The following WWOX variants were observed in gnomAD, a reference collection of about 807,000 sequenced individuals.
WWOX encodes WW domain-containing oxidoreductase.
In WWOX, 69 loss-of-function variants were observed where a neutral mutation model predicts 46.2. The observed-to-expected ratio is 1.49, with a 90% CI of 1.23 to 1.82. The LOEUF is 1.82. Ranked by LOEUF, WWOX falls within the 40% of genes most tolerant of loss-of-function variation. The probability of loss-of-function intolerance (pLI) is 0.00; values close to 1 mark genes in which losing one functional copy is unlikely to be tolerated. For missense variants in WWOX, 919 were observed against 542.6 expected (o/e 1.69, Z -6.89); for synonymous variants, 359 against 202.6 (o/e 1.77, Z -6.56).
At chr16:78,166,776 C>G (rs2034989509) in intron 5 of WWOX, 1 of 144,700 alleles carries the variant, frequency 6.9e-6, no homozygotes, top group Non-Finnish European at 1.5e-5. Context: ...CCGGGATAGT[C>G]TCGACCTCCT....
intron 5 of WWOX, among the ~76,000 whole-genome samples, chr16:78,330,768 T>C (rs1597492217): frequency 6.6e-6 from 1 of 152,240 alleles, no homozygotes; most frequent in East Asian, 1.9e-4. Context: ...AATATTCATC[T>C]CACTTCTTTC....
intron 8 of WWOX, among the ~76,000 whole-genome samples, chr16:79,184,139 A>T (rs1337378064): frequency 6.6e-6 from 1 of 152,182 alleles, no homozygotes; most frequent in Admixed American, 6.5e-5. Context: ...TTCTGAATGG[A>T]TTGTAAATTA....
chr16:78,765,449 C>T (rs1314579772), intron 8 of WWOX, among the ~76,000 whole-genome samples: 9 of 152,184 alleles, frequency 5.9e-5, no homozygotes, highest in South Asian at 4.2e-4. Context: ...GAGGCTGAGG[C>T]GGGTGGACCA....
chr16:78,938,470 T>C (rs980157341), intron 8 of WWOX, among the ~76,000 whole-genome samples: 2 of 151,938 alleles, frequency 1.3e-5, no homozygotes, highest in African/African-American at 4.8e-5. Context: ...GGGCTCTGTT[T>C]CATGAGTTTT....
chr16:78,927,992 G>T (rs1260854824), intron 8 of WWOX, among the ~76,000 whole-genome samples: 2 of 152,106 alleles, frequency 1.3e-5, no homozygotes, highest in African/African-American at 2.4e-5. Flanking sequence ...GTGTGTGTAT[G>T]TGTGTGTGCG....
Position 78,958,104 on chromosome 16 carries a change from G to A in WWOX, c.1057-253504G>A, listed in dbSNP as rs1038726134. 3.9e-5 allele frequency among the ~76,000 whole-genome samples: 6 copies of A among 152,122 alleles called. No individual in the cohort carries two copies. In the South Asian group the frequency reaches 8.3e-4, roughly 21 times the overall value. ...TGGAATCTGAGCCTTCATATTCTCC[G>A]ATATATTATTTGGTCCTATTGTTCC... On this transcript the variant is annotated intron_variant, in intron 8 of 8. Coordinates refer to ENST00000566780, the MANE Select transcript of WWOX (RefSeq NM_016373.4).
At chr16:78,874,599 C>T (rs2044196519) in intron 8 of WWOX, among the ~76,000 whole-genome samples, 1 of 150,266 alleles carries the variant, frequency 6.7e-6, no homozygotes, top group South Asian at 2.1e-4. Context: ...ATTCTGATGG[C>T]AAGTGACTTA....
chr16:78,468,052 T>C (rs1297325117), intron 8 of WWOX, among the ~76,000 whole-genome samples: 6 of 152,174 alleles, frequency 3.9e-5, no homozygotes, highest in African/African-American at 1.4e-4. Context: ...TCTCTGCTCT[T>C]TTCCAAGCCA....
chr16:78,545,625 A>T (rs938628041), intron 8 of WWOX, among the ~76,000 whole-genome samples: 26 of 152,330 alleles, frequency 1.7e-4, no homozygotes, highest in Non-Finnish European at 2.2e-4. Context: ...TTAAATAGCC[A>T]TTGAGTCTCT....
intron 8 of WWOX, among the ~76,000 whole-genome samples, chr16:78,975,826 C>T (rs1308197520): frequency 6.6e-6 from 1 of 152,098 alleles, no homozygotes; most frequent in Non-Finnish European, 1.5e-5. Flanking sequence ...AGGAAACAGG[C>T]AAGACCTCTG....
intron 8 of WWOX, among the ~76,000 whole-genome samples, chr16:79,013,062 C>G (rs2047343929): frequency 6.6e-6 from 1 of 152,132 alleles, no homozygotes; most frequent in Non-Finnish European, 1.5e-5. Context: ...GAGCAAGACT[C>G]CGTTTCACAA....
At chr16:79,074,845 G>T (rs778749642) in intron 8 of WWOX, among the ~76,000 whole-genome samples, 12 of 151,252 alleles carry the variant, frequency 7.9e-5, no homozygotes, top group African/African-American at 2.9e-4. Flanking sequence ...TAAATCTCTT[G>T]CAAGGCTTTT....
At chr16:78,832,161 GCA>G (rs1475476202) in intron 8 of WWOX, among the ~76,000 whole-genome samples, 1 of 152,192 alleles carries the variant, frequency 6.6e-6, no homozygotes, top group Non-Finnish European at 1.5e-5. Context: ...GGCTGGGGCT[GCA>G]GTCTCAGAAT....
intron 8 of WWOX, among the ~76,000 whole-genome samples, chr16:78,812,844 A>C (rs564778905): frequency 3.3e-5 from 5 of 152,198 alleles, no homozygotes; most frequent in African/African-American, 1.2e-4. Flanking sequence ...AAACTTTTTA[A>C]ATATTTTCCC....
intron 8 of WWOX, among the ~76,000 whole-genome samples, chr16:78,762,115 A>C (rs761647364): frequency 1.3e-5 from 2 of 152,194 alleles, no homozygotes; most frequent in African/African-American, 4.8e-5. Flanking sequence ...TAATCCTGTA[A>C]GGTATGGCTA....
intron 8 of WWOX, among the ~76,000 whole-genome samples, chr16:78,748,141 C>T (rs576958171): frequency 7.7e-4 from 117 of 152,252 alleles, no homozygotes; most frequent in African/African-American, 2.8e-3. Flanking sequence ...CGCATTTATC[C>T]ATTGCACCCC....
intron 4 of WWOX, among the ~76,000 whole-genome samples, chr16:78,150,949 C>G (rs1239399296): frequency 6.6e-6 from 1 of 152,172 alleles, no homozygotes; most frequent in East Asian, 1.9e-4. Flanking sequence ...GCAGTCATAG[C>G]TCACTGCAGC....
intron 8 of WWOX, among the ~76,000 whole-genome samples, chr16:78,952,691 G>T (rs1479616924): frequency 6.6e-6 from 1 of 152,006 alleles, no homozygotes; most frequent in East Asian, 1.9e-4. Context: ...GCCTGTTTTT[G>T]TGTTTGTTTA....
chr16:78,497,351 A>G (rs1417204798), intron 8 of WWOX, among the ~76,000 whole-genome samples: 1 of 152,246 alleles, frequency 6.6e-6, no homozygotes, highest in African/African-American at 2.4e-5. Context: ...ATAAGATCTG[A>G]CAGTGTAAAA....
Sources: allele counts gnomAD v4.1 joint callset (sites outside exome capture counted in the v4.1 genomes callset), GRCh38; gene constraint gnomAD v4.1.1; transcripts MANE v1.5; gene names NCBI Gene and HGNC (gene_info 2026-07-23, HGNC 2026-07-21).